NCKAP5L: variants seen among roughly 807,000 people sequenced by gnomAD.
The protein encoded by NCKAP5L is nck-associated protein 5-like.
A neutral mutation model predicts 103.2 loss-of-function variants in NCKAP5L; 54 were observed. The ratio of observed to expected loss-of-function variants is 0.52; its 90% CI spans 0.42 to 0.66. The LOEUF is 0.66. NCKAP5L is among the 30% of genes least tolerant of loss of function. The pLI is 0.00. For synonymous variants in NCKAP5L, 762 were observed against 748.6 expected (o/e 1.02, Z -0.29); for missense variants, 1,733 against 1,750.6 (o/e 0.99, Z 0.18).
Position 49,796,477 on chromosome 12 carries a change from C to T in NCKAP5L, c.1383G>A (p.Leu461=), listed in dbSNP as rs758643094. The change falls in exon 8 of 13, where the codon CTG becomes CTA. Residue 461 remains leucine, a synonymous_variant. Coordinates refer to ENST00000335999, the MANE Select transcript of NCKAP5L (RefSeq NM_001037806.4). ...SPARGLKFLK[L]PPTSEKSPSP... Reference sequence around the variant, plus strand: ...TGGGGCTCTTCTCCGAGGTTGGAGGCAGCTTTAGAAACTTGAGACCCCTAG... The same window carrying T: ...TGGGGCTCTTCTCCGAGGTTGGAGGTAGCTTTAGAAACTTGAGACCCCTAG... The T allele has an allele frequency of 2.0e-6, 3 of 1,532,370 alleles. No individual in the cohort carries two copies. In the East Asian group the frequency reaches 6.8e-5, roughly 35 times the overall value. The allele number at this position is 1,532,370 out of a possible 1,614,324, so 94.9% of individuals were successfully genotyped here. A position where few individuals can be genotyped will look rare whatever the true frequency, so the allele number is the denominator to read the frequency against.
rs1592750690 is a variant in NCKAP5L at position 49,798,462 on chromosome 12, A to G, written c.353T>C (p.Ile118Thr). 1 of 1,572,074 alleles carries G rather than the reference A, an allele frequency of 6.4e-7. No individual in the cohort carries two copies. Among genetic ancestry groups the G allele is most frequent in the Non-Finnish European group, 8.6e-7 (1 of 1,158,298 alleles). ...TGGTGGCTGGAGTGGAGTGAGTGGG[A>G]TCTGCAGAGGGAGAGGCAGAGTTAG... is the stretch of plus-strand genomic sequence containing the variant. ...LQLTTGSLPQIPLTPLQPPSE... is the reference protein window; with the variant it reads ...LQLTTGSLPQTPLTPLQPPSE... Residue 118 changes from isoleucine to threonine, a missense_variant and splice_region_variant, in exon 7 of 13, where the codon ATC becomes ACC. Ile to Thr is a moderately conservative substitution (Grantham distance 89). Transcript: ENST00000335999.
intron 10 of NCKAP5L, 135 bp downstream of exon 10, chr12:49,793,217 A>G (rs540549522): frequency 1.7e-4 from 157 of 920,106 alleles, no homozygotes; most frequent in Non-Finnish European, 2.4e-4. Flanking sequence ...GTGTAGCTCC[A>G]GTGCCCACCT....
At chr12:49,798,201 T>C in intron 7 of NCKAP5L, 149 bp downstream of exon 7, 1 of 735,852 alleles carries the variant, frequency 1.4e-6, no homozygotes, top group Non-Finnish European at 2.4e-6. Flanking sequence ...ACAGGGCCAG[T>C]GGCTAGGATT....
chr12:49,820,222 G>A (rs1241053290), intron 1 of NCKAP5L, among the ~76,000 whole-genome samples: 1 of 152,024 alleles, frequency 6.6e-6, no homozygotes, highest in Non-Finnish European at 1.5e-5. Flanking sequence ...TGAGACAATA[G>A]GGCCTGGGAG....
At chr12:49,803,247 G>T in intron 3 of NCKAP5L, 82 bp from the exon 4 acceptor site, 1 of 1,400,306 alleles carries the variant, frequency 7.1e-7, no homozygotes, top group South Asian at 1.2e-5. Flanking sequence ...TTTGGGAAAG[G>T]GGAGGCAACT....
Position 49,792,586 on chromosome 12 carries a change from G to T in NCKAP5L, c.3652C>A (p.Pro1218Thr), listed in dbSNP as rs1013122631. 6.2e-7 allele frequency: 1 copy of T among 1,613,724 alleles called. No individual in the cohort carries two copies. Among genetic ancestry groups the T allele is most frequent in the African/African-American group, 1.3e-5 (1 of 74,876 alleles). Residue 1218 changes from proline (P) to threonine (T), a missense_variant and splice_region_variant, in exon 12 of 13, where the codon CCC (proline) becomes ACC (threonine). Transcript: ENST00000335999. This position sits in a 1 kb window ranked among gnomAD's most constrained non-coding sequence, Gnocchi z 4.5. ...HRGHETCPDDPCEDPGPTPPV... is the reference protein window; with the variant it reads ...HRGHETCPDDTCEDPGPTPPV... ...GGGGTGGGGCCTGGGTCTTCACAGG[G>T]ATCTGTCCAGGAACAAAGGGAAGGT...
rs1592750467 is a variant in NCKAP5L at position 49,798,216 on chromosome 12, A to T, written c.465+134T>A. ...ACAGGGCCAGTGGCTAGGATTGGGGATCTGCTTTTTTTGGCATTCGGCTGC... is the reference window on the plus strand; with the variant it reads ...ACAGGGCCAGTGGCTAGGATTGGGGTTCTGCTTTTTTTGGCATTCGGCTGC... On this transcript the variant is annotated intron_variant, in intron 7 of 12. Coordinates refer to ENST00000335999, the MANE Select transcript of NCKAP5L (RefSeq NM_001037806.4). 2.9e-5 allele frequency: 23 copies of T among 798,174 alleles called. 1 individual carries two copies. In the South Asian group the frequency reaches 3.4e-4, roughly 12 times the overall value. The allele number at this position is 798,174 out of a possible 1,614,324, so 49.4% of individuals were successfully genotyped here. A position where few individuals can be genotyped will look rare whatever the true frequency, so the allele number is the denominator to read the frequency against.
intron 8 of NCKAP5L, among the ~76,000 whole-genome samples, 159 bp downstream of exon 8, chr12:49,794,606 C>CCCCCA (rs1945999295): frequency 1.1e-5 from 1 of 87,972 alleles, no homozygotes; most frequent in African/African-American, 7.7e-5. Context: ...AAGTCACTGA[C>CCCCCA]CCCCCCACCA....
At position 49,801,868 on chromosome 12, in the gene NCKAP5L, T is replaced by A. The variant is rs770179365; in HGVS notation, c.331A>T (p.Thr111Ser). Reference sequence around the variant, plus strand: ...CCTACCTGAGGGAGCGAGCCTGTCGTGAGCTGGAGTTTCTGCTGAAACAGG... The same window carrying A: ...CCTACCTGAGGGAGCGAGCCTGTCGAGAGCTGGAGTTTCTGCTGAAACAGG... ...SALFQQKLQL[T>S]TGSLPQIPLT... The change falls in exon 6 of 13, where the codon ACG becomes TCG. Residue 111 changes from threonine (T) to serine (S), a missense_variant. Thr to Ser is a moderately conservative substitution (Grantham distance 58). Coordinates refer to ENST00000335999, the MANE Select transcript of NCKAP5L (RefSeq NM_001037806.4). The A allele has an allele frequency of 3.1e-6, 5 of 1,613,888 alleles. No individual in the cohort carries two copies. Among genetic ancestry groups the A allele is most frequent in the Non-Finnish European group, 4.2e-6 (5 of 1,179,888 alleles).
At chr12:49,827,910 A>T (rs142729122) in intron 1 of NCKAP5L, among the ~76,000 whole-genome samples, 2 of 152,072 alleles carry the variant, frequency 1.3e-5, no homozygotes, top group African/African-American at 4.8e-5. Flanking sequence ...CCCCCGCAAT[A>T]ACCCGGCACC....
Position 49,796,775 on chromosome 12 carries a change from G to A in NCKAP5L, c.1085C>T (p.Ser362Phe). The change falls in exon 8 of 13, where the codon TCC becomes TTC. Residue 362 changes from serine to phenylalanine, a missense_variant. Ser to Phe is a radical substitution (Grantham distance 155). Transcript: ENST00000335999. The part of the protein sequence containing the change: ...GDHPGPGQSS[S>F]PDQAPPQLSK... ...CAGCTGTGGGGGCGCCTGGTCTGGG[G>A]AGGATGACTGCCCAGGACCTGGGTG... is the stretch of plus-strand genomic sequence containing the variant. 1 of 1,613,744 alleles carries A rather than the reference G, an allele frequency of 6.2e-7. No individual in the cohort carries two copies.
rs374619177 is a variant in NCKAP5L, at chr12:49,801,960, C to T, written c.239G>A (p.Arg80Gln). The T allele has an allele frequency of 1.1e-5, 18 of 1,613,660 alleles. No homozygotes were observed. In the East Asian group the frequency reaches 1.8e-4, roughly 16 times the overall value. ...CTTCTTCAGCTTGATGCACTCCTCT[C>T]GCAGGTCCTGCCGCCCACCCCGGGA... ...VQALLNQKDL[R>Q]EECIKLKKRV... The change falls in exon 6 of 13, where the codon CGA becomes CAA. Residue 80 changes from arginine (R) to glutamine (Q), a missense_variant. Arg to Gln is a conservative substitution (Grantham distance 43, BLOSUM62 1). Transcript: ENST00000335999.
intron 1 of NCKAP5L, among the ~76,000 whole-genome samples, chr12:49,811,373 C>T (rs1158411216): frequency 6.6e-6 from 1 of 152,150 alleles, no homozygotes; most frequent in Non-Finnish European, 1.5e-5. Context: ...TACCACCCTC[C>T]TGTTTCCCCA....
intron 1 of NCKAP5L, among the ~76,000 whole-genome samples, chr12:49,819,212 C>A (rs919699333): frequency 1.3e-5 from 2 of 151,114 alleles, no homozygotes; most frequent in East Asian, 3.9e-4. Context: ...CCTGGGAGGC[C>A]GAGGCGGGAG....
intron 1 of NCKAP5L, among the ~76,000 whole-genome samples, chr12:49,824,453 T>C (rs1334145380): frequency 6.6e-6 from 1 of 152,250 alleles, no homozygotes; most frequent in African/African-American, 2.4e-5. Context: ...ATCCTTGGTA[T>C]TGATCCTAAA....
chr12:49,816,400 A>G (rs1174201409), intron 1 of NCKAP5L, among the ~76,000 whole-genome samples: 1 of 149,590 alleles, frequency 6.7e-6, no homozygotes, highest in African/African-American at 2.5e-5. Flanking sequence ...TCCTCCATCA[A>G]ATGGCTCTTA....
intron 1 of NCKAP5L, among the ~76,000 whole-genome samples, chr12:49,811,407 A>T (rs1946238558): frequency 6.6e-6 from 1 of 151,878 alleles, no homozygotes. Context: ...AGCAGAGGGG[A>T]ACCCCCTCAC....
intron 1 of NCKAP5L, among the ~76,000 whole-genome samples, chr12:49,821,368 G>T (rs147847600): frequency 0.013 from 1,916 of 152,330 alleles, 18 homozygotes; most frequent in Middle Eastern, 0.037. Flanking sequence ...TGGGGGAAGA[G>T]AAATGATCAG....
intron 6 of NCKAP5L, among the ~76,000 whole-genome samples, chr12:49,800,996 C>A (rs1946112107): frequency 6.6e-6 from 1 of 152,214 alleles, no homozygotes; most frequent in Non-Finnish European, 1.5e-5. Context: ...GACTCTGACC[C>A]AGCTCTGTGC....
Sources: gnomAD v4.1 joint callset for allele counts (sites outside exome capture counted in the v4.1 genomes callset) on GRCh38, gnomAD v4.1.1 for gene constraint, Gnocchi (gnomAD v3.1) non-coding constraint, MANE v1.5 for transcripts, NCBI Gene and HGNC (gene_info 2026-07-23, HGNC 2026-07-21) for gene names.